STOX2: variants seen among roughly 807,000 people sequenced by gnomAD.
STOX2 encodes storkhead-box protein 2.
In STOX2, 28 loss-of-function variants were observed where a neutral mutation model predicts 60.9. The ratio of observed to expected loss-of-function variants is 0.46; its 90% confidence interval spans 0.34 to 0.63. The LOEUF (loss-of-function observed/expected upper bound fraction) is 0.63. Among genes scored for constraint, STOX2 ranks in the 30% least tolerant of loss-of-function variants. STOX2 has a pLI of 0.01. For synonymous variants in STOX2, 472 were observed against 463.9 expected, an observed-to-expected ratio of 1.02 and a Z score of -0.22; for missense variants, 1,024 against 1,187.7, an observed-to-expected ratio of 0.86 and a Z score of 2.03.
At chr4:183,907,116 C>G (rs908708100) in intron 1 of STOX2, among the ~76,000 whole-genome samples, 160 bp downstream of exon 1, 1 of 152,126 alleles carries the variant, frequency 6.6e-6, no homozygotes, top group Non-Finnish European at 1.5e-5. Flanking sequence ...TTTGTACCTC[C>G]CAAGATCCAC....
intron 1 of STOX2, among the ~76,000 whole-genome samples, chr4:183,925,498 T>G (rs1346606031): frequency 6.6e-6 from 1 of 152,110 alleles, no homozygotes; most frequent in Non-Finnish European, 1.5e-5. Context: ...CCCGGCACAC[T>G]TGCAAAGTTG....
At chr4:183,853,675 T>A (rs755410224) in intron 1 of STOX2, 14 of 152,324 alleles carry the variant, frequency 9.2e-5, no homozygotes, top group Non-Finnish European at 1.9e-4. Flanking sequence ...GACAGCAGTT[T>A]CACTTAACAT....
intron 1 of STOX2, among the ~76,000 whole-genome samples, chr4:183,996,234 G>A (rs970873654): frequency 6.6e-6 from 1 of 152,156 alleles, no homozygotes; most frequent in Non-Finnish European, 1.5e-5. Flanking sequence ...AAATAAAGCT[G>A]AACTAAAATC....
intron 1 of STOX2, among the ~76,000 whole-genome samples, chr4:183,957,750 T>C (rs1743291844): frequency 6.6e-6 from 1 of 152,240 alleles, no homozygotes; most frequent in Non-Finnish European, 1.5e-5. Flanking sequence ...GCCTTGGACC[T>C]ATTTGTGATG....
At chr4:183,798,673 G>C in intron 1 of STOX2, 1 of 985,380 alleles carries the variant, frequency 1.0e-6, no homozygotes, top group Non-Finnish European at 1.2e-6. Flanking sequence ...GTGTGTCTGA[G>C]GGAAGGAAGA....
intron 1 of STOX2, among the ~76,000 whole-genome samples, chr4:183,810,864 T>G (rs183596269): frequency 6.6e-6 from 1 of 152,094 alleles, no homozygotes; most frequent in Non-Finnish European, 1.5e-5. Flanking sequence ...TTAACCAATC[T>G]GTGGTATTCT....
At chr4:183,801,572 A>G (rs1297876956) in intron 1 of STOX2, among the ~76,000 whole-genome samples, 1 of 152,134 alleles carries the variant, frequency 6.6e-6, no homozygotes, top group Non-Finnish European at 1.5e-5. Context: ...GTGAGCTGGT[A>G]GGGGAGGTTT....
chr4:183,798,162 G>A, intron 1 of STOX2: 1 of 1,108,864 alleles, frequency 9.0e-7, no homozygotes, highest in Non-Finnish European at 1.1e-6. Context: ...GGGCACCGCC[G>A]AGGCTCCCCT....
chr4:183,950,548 T>C (rs147124946), intron 1 of STOX2, among the ~76,000 whole-genome samples: 2 of 152,248 alleles, frequency 1.3e-5, no homozygotes, highest in African/African-American at 4.8e-5. Flanking sequence ...GAAGAGACAG[T>C]GCCCCAGGAA....
At position 184,011,492 on chromosome 4, in the gene STOX2, A is replaced by T; in HGVS notation, c.2585+69A>T. On this transcript the variant is annotated intron_variant, in intron 3 of 3. Transcript: ENST00000308497. The surrounding 1 kb of genome is among the most constrained non-coding windows in gnomAD (Gnocchi z 4.4). ...CCTGGGGCTTTATGCACGTAACTTG[A>T]CAAGTTTCTGATTTCGTAGTCTCAG... The T allele has an allele frequency of 6.3e-7, 1 of 1,584,972 alleles. No individual in the cohort carries two copies. The highest frequency in any genetic ancestry group is 1.3e-5 in the African/African-American group (1 of 74,088).
intron 1 of STOX2, among the ~76,000 whole-genome samples, chr4:183,938,503 T>C (rs1290436261): frequency 6.6e-6 from 1 of 152,000 alleles, no homozygotes; most frequent in African/African-American, 2.4e-5. Flanking sequence ...ACCCCGTCTC[T>C]ACTAAAAATA....
chr4:183,816,773 GA>G (rs1449317274), intron 1 of STOX2, among the ~76,000 whole-genome samples: 1 of 152,168 alleles, frequency 6.6e-6, no homozygotes, highest in Non-Finnish European at 1.5e-5. Flanking sequence ...CAAAAGCTGT[GA>G]AAATTTTATA....
chr4:183,922,446 A>G (rs1357750209), intron 1 of STOX2, among the ~76,000 whole-genome samples: 1 of 151,540 alleles, frequency 6.6e-6, no homozygotes, highest in Non-Finnish European at 1.5e-5. Flanking sequence ...TCCCGGGTTC[A>G]AGCAATTCTC....
In STOX2 at chr4:183,920,786, G is replaced by A. The variant is rs142868575; in HGVS notation, c.166+13830G>A. Among the ~76,000 whole-genome samples, 331 of 152,142 alleles carry A rather than the reference G, an allele frequency of 2.2e-3. 2 individuals are homozygous for A. The highest frequency in any genetic ancestry group is 3.5e-3 in the Admixed American group (53 of 15,274). On this transcript the variant is annotated intron_variant, in intron 1 of 3. Coordinates refer to ENST00000308497, the MANE Select transcript of STOX2 (RefSeq NM_020225.3). ...TAATGCCGTTGTGAGCTCCTTAGTCGTCTTAATTGGCTTAGTGTTATCATG... is the reference window on the plus strand; with the variant it reads ...TAATGCCGTTGTGAGCTCCTTAGTCATCTTAATTGGCTTAGTGTTATCATG...
At chr4:183,803,936 C>G (rs1049096859) in intron 1 of STOX2, among the ~76,000 whole-genome samples, 2 of 151,972 alleles carry the variant, frequency 1.3e-5, no homozygotes, top group African/African-American at 4.8e-5. Context: ...ACACTGCACT[C>G]CAGCCTGGGT....
At chr4:183,980,611 T>C (rs1173878670) in intron 1 of STOX2, among the ~76,000 whole-genome samples, 1 of 152,174 alleles carries the variant, frequency 6.6e-6, no homozygotes, top group Non-Finnish European at 1.5e-5. Flanking sequence ...AGTTCAGCTT[T>C]GTGATGAGAA....
chr4:183,850,938 G>T (rs1740107726), intron 1 of STOX2, among the ~76,000 whole-genome samples: 6 of 145,148 alleles, frequency 4.1e-5, no homozygotes, highest in African/African-American at 1.5e-4. Context: ...GAAAGGATGA[G>T]GGAAAGGATG....
chr4:183,925,937 C>T (rs1742229728), intron 1 of STOX2, among the ~76,000 whole-genome samples: 1 of 151,736 alleles, frequency 6.6e-6, no homozygotes, highest in Admixed American at 6.6e-5. Flanking sequence ...TTATTTATGG[C>T]AGTTATTTGT....
chr4:183,915,485 TCATTGTTACG>T, intron 1 of STOX2, among the ~76,000 whole-genome samples: 1 of 152,170 alleles, frequency 6.6e-6, no homozygotes, highest in Admixed American at 6.5e-5. Context: ...GTGTCATTCC[TCATTGTTACG>T]CGTCGAATGT....
Sources: gnomAD v4.1 joint callset for allele counts (sites outside exome capture counted in the v4.1 genomes callset) on GRCh38, gnomAD v4.1.1 for gene constraint, Gnocchi (gnomAD v3.1) non-coding constraint, MANE v1.5 for transcripts, NCBI Gene and HGNC (gene_info 2026-07-23, HGNC 2026-07-21) for gene names.